The following TNFSF4 variants were observed in gnomAD, a reference collection of about 807,000 sequenced individuals.
TNFSF4 encodes TNF superfamily member 4.
TNFSF4 carries 4 observed loss-of-function variants against 7.3 expected under a neutral mutation model. The observed-to-expected ratio is 0.55, with a 90% confidence interval of 0.27 to 1.25. TNFSF4 has a LOEUF of 1.25. Among genes scored for constraint, TNFSF4 ranks in the 50% most tolerant of loss-of-function variants. The probability of loss-of-function intolerance (pLI) is 0.12; values close to 1 mark genes in which losing one functional copy is unlikely to be tolerated. For synonymous variants in TNFSF4, 76 were observed against 83.7 expected (o/e 0.91, Z 0.50); for missense variants, 181 against 208.8 (o/e 0.87, Z 0.82).
At chr1:173,413,663 G>A in the TNFSF4 span, among the ~76,000 whole-genome samples, 1 of 152,256 alleles carries the variant, frequency 6.6e-6, no homozygotes, top group Non-Finnish European at 1.5e-5. Flanking sequence ...GCATAGCCCT[G>A]CAGTCCTCAC....
the TNFSF4 span, among the ~76,000 whole-genome samples, chr1:173,278,637 A>C: frequency 2.0e-5 from 3 of 152,150 alleles, no homozygotes; most frequent in Non-Finnish European, 4.4e-5. Flanking sequence ...CACAGCTAGC[A>C]TATAAGTGAT....
chr1:173,322,224 C>A, the TNFSF4 span, among the ~76,000 whole-genome samples: 1 of 152,216 alleles, frequency 6.6e-6, no homozygotes, highest in South Asian at 2.1e-4. Flanking sequence ...AACAGAAAAC[C>A]AAACATGACA....
chr1:173,424,179 A>G, the TNFSF4 span, among the ~76,000 whole-genome samples: 1 of 152,222 alleles, frequency 6.6e-6, no homozygotes, highest in Non-Finnish European at 1.5e-5. Context: ...AACTTGGGGG[A>G]ACACATTCAG....
the TNFSF4 span, among the ~76,000 whole-genome samples, chr1:173,227,363 T>G: frequency 6.6e-6 from 1 of 152,210 alleles, no homozygotes; most frequent in Non-Finnish European, 1.5e-5. Context: ...GATCACCATT[T>G]CTTCTTGCAT....
the TNFSF4 span, among the ~76,000 whole-genome samples, chr1:173,317,211 A>C: frequency 1.3e-5 from 2 of 152,310 alleles, no homozygotes; most frequent in South Asian, 4.1e-4. Context: ...AGCCATCTCC[A>C]CCAAGGAGCC....
chr1:173,211,449 TC>T (rs1206491355), upstream of TNFSF4, among the ~76,000 whole-genome samples: 1 of 152,148 alleles, frequency 6.6e-6, no homozygotes, highest in Non-Finnish European at 1.5e-5. Flanking sequence ...TCTTTCCTCC[TC>T]TTTGCCATTC....
the TNFSF4 span, among the ~76,000 whole-genome samples, chr1:173,323,852 T>A: frequency 6.6e-6 from 1 of 152,172 alleles, no homozygotes; most frequent in African/African-American, 2.4e-5. Context: ...GCAAGAAATA[T>A]GGGACTATGT....
the TNFSF4 span, among the ~76,000 whole-genome samples, chr1:173,236,465 AG>A: frequency 6.6e-6 from 1 of 152,062 alleles, no homozygotes; most frequent in Non-Finnish European, 1.5e-5. Flanking sequence ...TGATAAAATA[AG>A]GGGTAGAAGA....
chr1:173,181,574 A>T (rs1340735988), downstream of TNFSF4, among the ~76,000 whole-genome samples: 1 of 152,100 alleles, frequency 6.6e-6, no homozygotes, highest in Non-Finnish European at 1.5e-5. Flanking sequence ...ATGGCACCAG[A>T]TTTCTCAAGG....
At chr1:173,359,462 AAAAG>A in the TNFSF4 span, among the ~76,000 whole-genome samples, 84,612 of 138,334 alleles carry the variant, frequency 0.61, 26,264 homozygotes, top group South Asian at 0.68. Context: ...TAAAAAAAAA[AAAAG>A]AAAAGAAAAA....
chr1:173,292,443 T>TAA, the TNFSF4 span, among the ~76,000 whole-genome samples: 2 of 152,056 alleles, frequency 1.3e-5, no homozygotes, highest in Admixed American at 1.3e-4. Context: ...CCCTTTATGT[T>TAA]AAAAATGCAC....
At chr1:173,388,981 A>G in the TNFSF4 span, among the ~76,000 whole-genome samples, 3 of 152,230 alleles carry the variant, frequency 2.0e-5, no homozygotes, top group East Asian at 5.8e-4. Context: ...CTAGGCATAC[A>G]GTTTCTCTCT....
the TNFSF4 span, among the ~76,000 whole-genome samples, chr1:173,220,178 G>GT: frequency 2.6e-5 from 4 of 151,790 alleles, no homozygotes; most frequent in African/African-American, 4.8e-5. Flanking sequence ...TGAAAATAAA[G>GT]TTTTTTTTAA....
the TNFSF4 span, among the ~76,000 whole-genome samples, chr1:173,425,955 T>G: frequency 6.6e-6 from 1 of 152,220 alleles, no homozygotes; most frequent in East Asian, 1.9e-4. Flanking sequence ...CTGTTGAGGT[T>G]TGAGTCTTCA....
the TNFSF4 span, among the ~76,000 whole-genome samples, chr1:173,303,633 G>A: frequency 4.9e-5 from 7 of 144,152 alleles, no homozygotes; most frequent in African/African-American, 1.0e-4. Context: ...GTTTTTATAC[G>A]TTTTTTAATT....
the TNFSF4 span, among the ~76,000 whole-genome samples, chr1:173,446,176 A>ACTAT: frequency 6.6e-6 from 1 of 152,154 alleles, no homozygotes; most frequent in Admixed American, 6.5e-5. Flanking sequence ...TTTTAAGGCA[A>ACTAT]CTATCGTAAC....
chr1:173,191,667 A>G (rs1649484260), intron 1 of TNFSF4, among the ~76,000 whole-genome samples: 1 of 152,220 alleles, frequency 6.6e-6, no homozygotes, highest in Admixed American at 6.5e-5. Flanking sequence ...GGATGGCACA[A>G]AGAGCATAGA....
At chr1:173,353,937 G>A in the TNFSF4 span, among the ~76,000 whole-genome samples, 1 of 151,320 alleles carries the variant, frequency 6.6e-6, no homozygotes, top group Admixed American at 6.6e-5. Flanking sequence ...AGAAAAACAA[G>A]AGCAAACAAA....
the TNFSF4 span, among the ~76,000 whole-genome samples, chr1:173,331,648 CA>C: frequency 2.0e-5 from 3 of 152,198 alleles, no homozygotes; most frequent in African/African-American, 7.2e-5. Flanking sequence ...GCATCTCCTT[CA>C]GGGGGCAAGT....
Sources: allele counts gnomAD v4.1 joint callset (sites outside exome capture counted in the v4.1 genomes callset), GRCh38; gene constraint gnomAD v4.1.1; transcripts MANE v1.5; gene names NCBI Gene and HGNC (gene_info 2026-07-23, HGNC 2026-07-21).